Variants in JHY observed in about 807,000 individuals in gnomAD.
JHY encodes jhy protein homolog.
JHY carries 69 observed loss-of-function variants against 78.0 expected under a neutral mutation model. That is an observed-to-expected ratio of 0.88 (90% CI 0.73 to 1.08). JHY has a LOEUF of 1.08. Among genes scored for constraint, JHY ranks in the 50% least tolerant of loss-of-function variants. The probability of loss-of-function intolerance (pLI) is 0.00; values close to 1 mark genes in which losing one functional copy is unlikely to be tolerated. For synonymous variants in JHY, 368 were observed against 342.6 expected (o/e 1.07, Z -0.82); for missense variants, 944 against 927.8 (o/e 1.02, Z -0.23).
intron 3 of JHY, among the ~76,000 whole-genome samples, chr11:122,911,930 A>G (rs1199417941): frequency 6.7e-6 from 1 of 149,616 alleles, no homozygotes; most frequent in Non-Finnish European, 1.5e-5. Context: ...AAAAAAAAAA[A>G]AAAAAGAGAC....
intron 5 of JHY, among the ~76,000 whole-genome samples, chr11:122,943,035 C>A (rs1863904812): frequency 1.3e-5 from 2 of 152,188 alleles, no homozygotes; most frequent in South Asian, 4.2e-4. Context: ...CCACCACACC[C>A]ACCTACTTTT....
rs1227556628 is a variant in JHY at position 122,886,043 on chromosome 11, G to T, written c.194G>T (p.Arg65Leu). ...CATTCTGAGTTTGATGATCGAATCCGGGGCAACGGTATGGAGCCCGACAGC... is the reference window on the plus strand; with the variant it reads ...CATTCTGAGTTTGATGATCGAATCCTGGGCAACGGTATGGAGCCCGACAGC... The part of the protein sequence containing the change: ...MCHSEFDDRI[R>L]GNGMEPDSLD... The change falls in exon 2 of 9, where the codon CGG (arginine) becomes CTG (leucine). Residue 65 changes from arginine to leucine, a missense_variant. By Grantham distance (102) the Arg-to-Leu change is moderately radical. Transcript: ENST00000227349. The T allele has an allele frequency of 6.2e-7, 1 of 1,614,096 alleles. No homozygotes were observed. Among genetic ancestry groups the T allele is most frequent in the Non-Finnish European group, 8.5e-7 (1 of 1,180,028 alleles).
At chr11:122,892,155 T>C (rs3107614) in intron 2 of JHY, among the ~76,000 whole-genome samples, 143,885 of 152,136 alleles carry the variant, frequency 0.95, 68,120 homozygotes, top group Middle Eastern at 0.98. Flanking sequence ...GTGCTTTCCT[T>C]TCTGATCACT....
intron 2 of JHY, among the ~76,000 whole-genome samples, chr11:122,887,731 A>G (rs41372748): frequency 0.3 from 45,553 of 151,948 alleles, 7,176 homozygotes; most frequent in East Asian, 0.45. Flanking sequence ...AACAGAAGAG[A>G]ATGGGAGTGA....
chr11:122,918,887 G>A (rs534603441), intron 3 of JHY, among the ~76,000 whole-genome samples: 6 of 146,504 alleles, frequency 4.1e-5, no homozygotes, highest in Admixed American at 2.0e-4. Flanking sequence ...AGTCCAGAAG[G>A]GGGGAAGAAA....
chr11:122,911,602 A>G (rs1242727583), intron 3 of JHY, among the ~76,000 whole-genome samples: 1 of 152,104 alleles, frequency 6.6e-6, no homozygotes, highest in African/African-American at 2.4e-5. Flanking sequence ...GACTGAATAA[A>G]CTGTATTTAA....
chr11:122,924,822 G>T, intron 3 of JHY, 75 bp from the exon 4 acceptor site: 1 of 1,163,624 alleles, frequency 8.6e-7, no homozygotes, highest in Non-Finnish European at 1.3e-6. Context: ...TTTCTAGAGT[G>T]CACAGACTTG....
chr11:122,916,451 C>G (rs2177195), intron 3 of JHY, among the ~76,000 whole-genome samples: 1 of 152,096 alleles, frequency 6.6e-6, no homozygotes, highest in East Asian at 1.9e-4. Context: ...GGGCCAAGGT[C>G]TTTTCTACCA....
In JHY at chr11:122,963,678, TTC is replaced by T. The variant is rs148335943; in HGVS notation, c.*4235_*4236del. Among the ~76,000 whole-genome samples the T allele has an allele frequency of 3.1e-3, 473 of 152,274 alleles. 1 individual carries two copies. The highest frequency in any genetic ancestry group is 0.01 in the African/African-American group (416 of 41,564). Reference sequence around the variant, plus strand: ...TGGATCAGTGATCAATTCATAGCATTTCTGTTTCAAATATTCAAAAGCAAAAA... The same window carrying T: ...TGGATCAGTGATCAATTCATAGCATTTGTTTCAAATATTCAAAAGCAAAAA... On this transcript the variant is annotated 3_prime_UTR_variant, in exon 9 of 9. Transcript: ENST00000227349.
rs971866917 is a variant in JHY at position 122,962,770 on chromosome 11, A to G, written c.*3325A>G. 1.3e-5 allele frequency among the ~76,000 whole-genome samples: 2 copies of G among 152,194 alleles called. No homozygotes were observed. Among genetic ancestry groups the G allele is most frequent in the Non-Finnish European group, 2.9e-5 (2 of 68,028 alleles). ...AGAGCTTGGAAAGTTTGTCACATTC[A>G]ACTGCCAGTTTTTCAGAAGATGAAA... On this transcript the variant is annotated 3_prime_UTR_variant, in exon 9 of 9. Coordinates refer to ENST00000227349, the MANE Select transcript of JHY (RefSeq NM_024806.4).
chr11:122,914,008 T>C (rs1189365613), intron 3 of JHY, among the ~76,000 whole-genome samples: 1 of 152,234 alleles, frequency 6.6e-6, no homozygotes, highest in African/African-American at 2.4e-5. Flanking sequence ...AAGACCTGAT[T>C]TGAGTCCCAT....
chr11:122,919,662 A>G (rs1317616717), intron 3 of JHY, among the ~76,000 whole-genome samples: 2 of 152,042 alleles, frequency 1.3e-5, no homozygotes. Flanking sequence ...TAAGCTGAAA[A>G]TGAATGTAGA....
intron 5 of JHY, among the ~76,000 whole-genome samples, chr11:122,941,258 C>T (rs899240374): frequency 6.6e-6 from 1 of 152,136 alleles, no homozygotes; most frequent in African/African-American, 2.4e-5. Context: ...AATACCTGTA[C>T]CTGAACCTCT....
At position 122,959,710 on chromosome 11, in the gene JHY, T is replaced by G. The variant is rs202126204; in HGVS notation, c.*265T>G. On this transcript the variant is annotated 3_prime_UTR_variant, in exon 9 of 9. Transcript: ENST00000227349. ...AATAATAACTAGAGAATAAAGCTTT[T>G]GTTTTATATTGATCTTTTGATTTCT... 2.7e-6 allele frequency: 1 copy of G among 365,988 alleles called. No homozygotes were observed. The highest frequency in any genetic ancestry group is 4.9e-6 in the Non-Finnish European group (1 of 203,138). The allele number at this position is 365,988 out of a possible 1,614,324, so 22.7% of individuals were successfully genotyped here.
intron 1 of JHY, among the ~76,000 whole-genome samples, chr11:122,884,895 C>T (rs908933764): frequency 3.3e-5 from 5 of 151,912 alleles, no homozygotes; most frequent in African/African-American, 7.3e-5. Context: ...CTGCCCGGCT[C>T]GAGTGACCCT....
intron 2 of JHY, among the ~76,000 whole-genome samples, chr11:122,895,387 G>A (rs1287477728): frequency 6.6e-6 from 1 of 152,184 alleles, no homozygotes; most frequent in African/African-American, 2.4e-5. Flanking sequence ...AAAATGGCCA[G>A]TTATTGAATA....
Position 122,885,815 on chromosome 11 carries a change from C to T in JHY, c.-35C>T, listed in dbSNP as rs765635792. 5 of 1,496,360 alleles carry T rather than the reference C, an allele frequency of 3.3e-6. No homozygotes were observed. Among genetic ancestry groups the T allele is most frequent in the Admixed American group, 1.8e-5 (1 of 55,352 alleles). The allele number at this position is 1,496,360 out of a possible 1,614,324, so 92.7% of individuals were successfully genotyped here. A position where few individuals can be genotyped will look rare whatever the true frequency, so the allele number is the denominator to read the frequency against. ...TATCAGCCAGCTGCTCCTATCAACA[C>T]GAGTATCCCCTGTTAATTTTTTGCA... On this transcript the variant is annotated 5_prime_UTR_variant, in exon 2 of 9. In the 5' UTR this introduces an upstream ATG that the reference lacks. Transcript: ENST00000227349.
intron 5 of JHY, among the ~76,000 whole-genome samples, chr11:122,943,275 ATATT>A (rs1863909548): frequency 6.6e-6 from 1 of 152,060 alleles, no homozygotes; most frequent in Middle Eastern, 3.2e-3. Context: ...TATTTTAGAT[ATATT>A]TATTGTTATA....
At chr11:122,894,949 T>G (rs1304345141) in intron 2 of JHY, among the ~76,000 whole-genome samples, 1 of 152,246 alleles carries the variant, frequency 6.6e-6, no homozygotes, top group Non-Finnish European at 1.5e-5. Context: ...AAATAAAATT[T>G]TCTGGATTGC....
Sources: allele counts gnomAD v4.1 joint callset (sites outside exome capture counted in the v4.1 genomes callset), GRCh38; gene constraint gnomAD v4.1.1; transcripts MANE v1.5; gene names NCBI Gene and HGNC (gene_info 2026-07-23, HGNC 2026-07-21).